CCDC102B: variants seen among roughly 807,000 people sequenced by gnomAD.
The protein encoded by CCDC102B is coiled-coil domain-containing protein 102B.
Under a neutral mutation model 57.4 loss-of-function variants are expected in CCDC102B, and 75 were observed. The observed-to-expected ratio is 1.31, with a 90% confidence interval of 1.08 to 1.58. CCDC102B has a LOEUF of 1.58. Ranked by LOEUF, CCDC102B falls within the 40% of genes most tolerant of loss-of-function variation. The probability of loss-of-function intolerance (pLI) is 0.00; values close to 1 mark genes in which losing one functional copy is unlikely to be tolerated. For synonymous variants in CCDC102B, 206 were observed against 201.9 expected (o/e 1.02, Z -0.17); for missense variants, 636 against 582.6 (o/e 1.09, Z -0.94).
intron 6 of CCDC102B, among the ~76,000 whole-genome samples, chr18:68,949,975 C>CAG (rs915784220): frequency 2.0e-5 from 3 of 152,036 alleles, no homozygotes; most frequent in African/African-American, 7.2e-5. Flanking sequence ...TATCACCAAC[C>CAG]AGAATACTGT....
chr18:68,781,293 A>G (rs934276014), intron 2 of CCDC102B, among the ~76,000 whole-genome samples: 1 of 151,626 alleles, frequency 6.6e-6, no homozygotes, highest in Non-Finnish European at 1.5e-5. Flanking sequence ...ACAAGAATAC[A>G]TTTAAGTTCT....
intron 6 of CCDC102B, among the ~76,000 whole-genome samples, chr18:68,906,673 A>T (rs2040655847): frequency 6.6e-6 from 1 of 152,100 alleles, no homozygotes; most frequent in South Asian, 2.1e-4. Flanking sequence ...TCTTTGACTA[A>T]TTTTAAATTG....
At chr18:68,825,499 G>A (rs1042842852) in intron 1 of CCDC102B, among the ~76,000 whole-genome samples, 24 of 152,062 alleles carry the variant, frequency 1.6e-4, no homozygotes, top group Non-Finnish European at 2.9e-4. Context: ...AGACCAGCAT[G>A]GCCAACATAG....
intron 5 of CCDC102B, among the ~76,000 whole-genome samples, chr18:68,892,337 T>C (rs2040109287): frequency 6.6e-6 from 1 of 152,142 alleles, no homozygotes; most frequent in Admixed American, 6.6e-5. Flanking sequence ...CTGAGATCTG[T>C]TCTCAGTTAT....
At chr18:69,053,674 CTT>C (rs543766296) in intron 7 of CCDC102B, among the ~76,000 whole-genome samples, 1 of 148,600 alleles carries the variant, frequency 6.7e-6, no homozygotes, top group African/African-American at 2.5e-5. Flanking sequence ...ATTTCAACTA[CTT>C]TTTTTTTTCA....
intron 6 of CCDC102B, among the ~76,000 whole-genome samples, chr18:68,912,240 A>C (rs2040902245): frequency 6.6e-6 from 1 of 152,196 alleles, no homozygotes; most frequent in South Asian, 2.1e-4. Flanking sequence ...GATTCTATTA[A>C]AAATAACACT....
intron 2 of CCDC102B, among the ~76,000 whole-genome samples, chr18:68,766,243 ACTTCTG>A (rs1165869070): frequency 6.6e-6 from 1 of 152,208 alleles, no homozygotes; most frequent in African/African-American, 2.4e-5. Context: ...AAATAGGGCT[ACTTCTG>A]CTTCTGTGGT....
chr18:68,976,308 A>G (rs1338971583), intron 6 of CCDC102B, among the ~76,000 whole-genome samples: 3 of 152,022 alleles, frequency 2.0e-5, no homozygotes, highest in Admixed American at 1.3e-4. Context: ...AAAACAGCTC[A>G]TAGTGTTCTT....
chr18:68,995,853 G>A lies in CCDC102B; in HGVS notation c.1264-15081G>A, dbSNP rs186327473. On this transcript the variant is annotated intron_variant, in intron 6 of 7. Coordinates refer to ENST00000360242, the MANE Select transcript of CCDC102B (RefSeq NM_024781.3). ...GATCCACTGACAGCTTGAACCGTGT[G>A]CTTGGAAAAGTCACAGGCACTCAAT... Among the ~76,000 whole-genome samples, 10 of 152,238 alleles carry A rather than the reference G, an allele frequency of 6.6e-5. No individual in the cohort carries two copies. The East Asian group carries it at 1.9e-3, about 30-fold the overall frequency.
chr18:68,914,652 CACT>C (rs994885143), intron 6 of CCDC102B, among the ~76,000 whole-genome samples: 6 of 152,236 alleles, frequency 3.9e-5, no homozygotes, highest in East Asian at 1.9e-4. Context: ...ATCACACCAC[CACT>C]ACTATCTCCG....
chr18:68,914,241 C>G (rs1355786415), intron 6 of CCDC102B, among the ~76,000 whole-genome samples: 2 of 152,156 alleles, frequency 1.3e-5, no homozygotes, highest in Non-Finnish European at 2.9e-5. Context: ...TGGGTTTCCT[C>G]CAGTTACTCC....
intron 7 of CCDC102B, among the ~76,000 whole-genome samples, chr18:69,042,447 CT>C (rs2052457049): frequency 6.6e-6 from 1 of 152,088 alleles, no homozygotes; most frequent in Non-Finnish European, 1.5e-5. Context: ...ATCTACATGG[CT>C]ACCACTTTAA....
chr18:68,765,074 T>TAAATAAATAAAG (rs1053677471), intron 2 of CCDC102B, among the ~76,000 whole-genome samples: 130 of 148,022 alleles, frequency 8.8e-4, no homozygotes, highest in African/African-American at 3.1e-3. Context: ...AATAAATAAA[T>TAAATAAATAAAG]AAGCTGGGGA....
At chr18:68,848,911 G>T (rs917285157) in intron 4 of CCDC102B, among the ~76,000 whole-genome samples, 1 of 152,002 alleles carries the variant, frequency 6.6e-6, no homozygotes, top group Admixed American at 6.6e-5. Context: ...TAGTCTCAAG[G>T]TAAAAAATTT....
intron 4 of CCDC102B, among the ~76,000 whole-genome samples, chr18:68,865,565 C>T (rs1427304268): frequency 6.6e-6 from 1 of 152,060 alleles, no homozygotes; most frequent in Non-Finnish European, 1.5e-5. Flanking sequence ...ATTAATCTGC[C>T]TAAGGAAGTA....
At chr18:68,843,537 T>C (rs2037728232) in intron 3 of CCDC102B, among the ~76,000 whole-genome samples, 2 of 152,082 alleles carry the variant, frequency 1.3e-5, no homozygotes, top group South Asian at 4.1e-4. Context: ...AGAAATAAAA[T>C]CACATCTTTT....
chr18:69,006,183 T>C (rs1417402959), intron 6 of CCDC102B, among the ~76,000 whole-genome samples: 1 of 152,080 alleles, frequency 6.6e-6, no homozygotes, highest in African/African-American at 2.4e-5. Context: ...CAATAGTACA[T>C]CTATATGAAA....
intron 3 of CCDC102B, among the ~76,000 whole-genome samples, chr18:68,842,065 A>G (rs1268608155): frequency 6.6e-6 from 1 of 151,986 alleles, no homozygotes; most frequent in Non-Finnish European, 1.5e-5. Context: ...TTTATTTTCT[A>G]TGTAAGAAAA....
chr18:68,739,734 C>G (rs1428478949), intron 2 of CCDC102B, among the ~76,000 whole-genome samples: 2 of 152,136 alleles, frequency 1.3e-5, no homozygotes, highest in Non-Finnish European at 2.9e-5. Context: ...AGATGACATG[C>G]CTTCTTCCAA....
Sources: allele counts gnomAD v4.1 joint callset (sites outside exome capture counted in the v4.1 genomes callset), GRCh38; gene constraint gnomAD v4.1.1; transcripts MANE v1.5; gene names NCBI Gene and HGNC (gene_info 2026-07-23, HGNC 2026-07-21).